The following AKR1A1 variants were observed in gnomAD, a reference collection of about 807,000 sequenced individuals.
The protein encoded by AKR1A1 is HEL-S-165mP.
AKR1A1 carries 26 observed loss-of-function variants against 39.2 expected under a neutral mutation model. That is an observed-to-expected ratio of 0.66 (90% CI 0.49 to 0.92). The LOEUF (loss-of-function observed/expected upper bound fraction) is 0.92. Among genes scored for constraint, AKR1A1 ranks in the 40% least tolerant of loss-of-function variants. The probability of loss-of-function intolerance (pLI) is 0.00; values close to 1 mark genes in which losing one functional copy is unlikely to be tolerated. For missense variants in AKR1A1, 378 were observed against 406.5 expected (o/e 0.93, Z 0.60); for synonymous variants, 141 against 155.5 (o/e 0.91, Z 0.69).
chr1:45,565,213 C>G (rs1284730683), intron 2 of AKR1A1, among the ~76,000 whole-genome samples: 1 of 146,846 alleles, frequency 6.8e-6, no homozygotes, highest in African/African-American at 2.5e-5. Flanking sequence ...TCACTGTAAC[C>G]TCCACCTCCC....
chr1:45,551,307 T>C (rs937984193), intron 1 of AKR1A1, among the ~76,000 whole-genome samples, 152 bp downstream of exon 1: 1 of 152,038 alleles, frequency 6.6e-6, no homozygotes, highest in African/African-American at 2.4e-5. Context: ...TCTTTTTCTC[T>C]GTATGATCTC....
In AKR1A1 at chr1:45,569,872, T is replaced by C. The variant is rs776683233; in HGVS notation, c.913-19T>C. ...GGCAACTCCTGCTGATGGAGTAATCTATCTGTCTCTCTTTCCAGGTGGATG... is the reference window on the plus strand; with the variant it reads ...GGCAACTCCTGCTGATGGAGTAATCCATCTGTCTCTCTTTCCAGGTGGATG... On this transcript the variant is annotated intron_variant, in intron 8 of 8. Transcript: ENST00000351829. 4.3e-6 allele frequency: 7 copies of C among 1,611,736 alleles called. No homozygotes were observed. Among genetic ancestry groups the C allele is most frequent in the Non-Finnish European group, 5.9e-6 (7 of 1,178,032 alleles).
intron 2 of AKR1A1, among the ~76,000 whole-genome samples, chr1:45,563,532 G>A (rs1243294684): frequency 2.0e-5 from 3 of 151,806 alleles, no homozygotes; most frequent in East Asian, 3.9e-4. Flanking sequence ...GCTCATGCCT[G>A]TAATCCCAGC....
chr1:45,558,415 T>G (rs1489111631), intron 1 of AKR1A1, among the ~76,000 whole-genome samples: 1 of 147,962 alleles, frequency 6.8e-6, no homozygotes, highest in Non-Finnish European at 1.5e-5. Flanking sequence ...TTTTTTTTTT[T>G]TGAGATGGAG....
rs149181973 is a variant in AKR1A1 at position 45,566,870 on chromosome 1, C to T, written c.206C>T (p.Ala69Val). ...TGTGGGCCCTGCCCCCTGCACTAGG[C>T]GGTGCCTCGGGAGGAGCTGTTTGTG... ...ALKEDVGPGK[A>V]VPREELFVTS... Residue 69 changes from alanine to valine, a missense_variant and splice_region_variant, in exon 4 of 9, where the codon GCG becomes GTG. Ala to Val is a moderately conservative substitution (Grantham distance 64, BLOSUM62 0). Coordinates refer to ENST00000351829, the MANE Select transcript of AKR1A1 (RefSeq NM_153326.3). 3.7e-5 allele frequency: 60 copies of T among 1,613,378 alleles called. No homozygotes were observed. The African/African-American group carries it at 5.9e-4, about 16-fold the overall frequency.
chr1:45,567,047 G>A (rs965129371), intron 4 of AKR1A1, 27 bp downstream of exon 4: 8 of 1,609,422 alleles, frequency 5.0e-6, no homozygotes, highest in Non-Finnish European at 6.8e-6. Flanking sequence ...CCTCATCTGG[G>A]GAATCAGGGG....
At chr1:45,556,416 C>T (rs1210811953) in intron 1 of AKR1A1, among the ~76,000 whole-genome samples, 2 of 151,718 alleles carry the variant, frequency 1.3e-5, no homozygotes, top group African/African-American at 4.8e-5. Context: ...CCCGTCTCTA[C>T]TAAAAATACA....
At chr1:45,553,776 G>A (rs1431689170) in intron 1 of AKR1A1, among the ~76,000 whole-genome samples, 1 of 147,428 alleles carries the variant, frequency 6.8e-6, no homozygotes, top group East Asian at 2.1e-4. Context: ...GGCGGATCAC[G>A]AGGTCAGGAG....
intron 1 of AKR1A1, among the ~76,000 whole-genome samples, chr1:45,559,519 A>G (rs1644249777): frequency 6.6e-6 from 1 of 151,444 alleles, no homozygotes; most frequent in South Asian, 2.1e-4. Context: ...TTTCTGTAGT[A>G]CATCATACTT....
chr1:45,557,912 C>CTT lies in AKR1A1; in HGVS notation c.-6-3863_-6-3862dup, dbSNP rs67386168. Among the ~76,000 whole-genome samples the CTT allele has an allele frequency of 7.3e-4, 82 of 112,232 alleles. 3 individuals are homozygous for CTT. Among genetic ancestry groups the CTT allele is most frequent in the South Asian group, 4.7e-3 (16 of 3,432 alleles). 73.6% of individuals were successfully genotyped at this position (112,232 alleles called of 152,430 possible). The stretch of plus-strand genomic sequence containing the variant: ...TGTACTGGCTTTACTCACAACTTGT[C>CTT]TTTTTTTTTTTTTTTGAGATGGAGC... On this transcript the variant is annotated intron_variant, in intron 1 of 8. Transcript: ENST00000351829.
At chr1:45,569,571 G>A (rs1644388706) in intron 8 of AKR1A1, among the ~76,000 whole-genome samples, 2 of 152,188 alleles carry the variant, frequency 1.3e-5, no homozygotes, top group Admixed American at 6.5e-5. Flanking sequence ...GAGCCCAGAA[G>A]GCGTTGTTGA....
intron 4 of AKR1A1, chr1:45,567,680 AGCTGC>A (rs1644361464): frequency 5.0e-6 from 1 of 198,686 alleles, no homozygotes; most frequent in Admixed American, 5.4e-5. Context: ...ACAAAAAATT[AGCTGC>A]GCGTGGTGGT....
At position 45,556,118 on chromosome 1, in the gene AKR1A1, G is replaced by A. The variant is rs117528929; in HGVS notation, c.-7+4963G>A. On this transcript the variant is annotated intron_variant, in intron 1 of 8. Transcript: ENST00000351829. ...GTAGATATTGTTTCCTTTTTTTCCT[G>A]TGTCTTCTACTTCCCTGCAGCCAGG... Among the ~76,000 whole-genome samples the A allele has an allele frequency of 3.0e-3, 463 of 152,144 alleles. 5 individuals are homozygous for A. The highest frequency in any genetic ancestry group is 0.022 in the East Asian group (114 of 5,192).
chr1:45,563,575 A>C lies in AKR1A1; in HGVS notation c.84+1697A>C, dbSNP rs540300632. On this transcript the variant is annotated intron_variant, in intron 2 of 8. Coordinates refer to ENST00000351829, the MANE Select transcript of AKR1A1 (RefSeq NM_153326.3). ...GAGGCTGAGGCAGGCGGATCACCTG[A>C]GGTTGGGAGTTCGAGACCAGCCTGA... is the stretch of plus-strand genomic sequence containing the variant. 3.9e-5 allele frequency among the ~76,000 whole-genome samples: 6 copies of C among 152,160 alleles called. No homozygotes were observed. In the East Asian group the frequency reaches 1.2e-3, roughly 29 times the overall value.
At position 45,568,105 on chromosome 1, in the gene AKR1A1, C is replaced by T; in HGVS notation, c.480C>T (p.Gly160=). 1 of 1,614,058 alleles carries T rather than the reference C, an allele frequency of 6.2e-7. No individual in the cohort carries two copies. Among genetic ancestry groups the T allele is most frequent in the African/African-American group, 1.3e-5 (1 of 75,002 alleles). Residue 160 remains glycine (G), a synonymous_variant, in exon 5 of 9, where the codon GGC becomes GGT. Transcript: ENST00000351829. ...CTAAGGGGCTGGTGCAGGCGCTGGGCCTGTCCAACTTCAACAGTCGGCAGA... is the reference window on the plus strand; with the variant it reads ...CTAAGGGGCTGGTGCAGGCGCTGGGTCTGTCCAACTTCAACAGTCGGCAGA... The part of the protein sequence containing the change: ...LVAKGLVQAL[G]LSNFNSRQID...
At chr1:45,554,521 A>G (rs777871356) in intron 1 of AKR1A1, among the ~76,000 whole-genome samples, 10 of 151,560 alleles carry the variant, frequency 6.6e-5, no homozygotes, top group Non-Finnish European at 1.5e-4. Flanking sequence ...CGAAGCTGCA[A>G]TGAGCCATGA....
chr1:45,557,893 G>A (rs1009017609), intron 1 of AKR1A1, among the ~76,000 whole-genome samples: 2 of 144,898 alleles, frequency 1.4e-5, no homozygotes, highest in African/African-American at 5.1e-5. Context: ...TTGGTGTACT[G>A]GCTTTACTCA....
At chr1:45,566,330 G>A (rs1644343159) in intron 2 of AKR1A1, among the ~76,000 whole-genome samples, 1 of 152,110 alleles carries the variant, frequency 6.6e-6, no homozygotes, top group Non-Finnish European at 1.5e-5. Context: ...CTGACCTCCA[G>A]CTGGCCAGGC....
Position 45,568,632 on chromosome 1 carries a change from G to A in AKR1A1, c.700G>A (p.Val234Ile), listed in dbSNP as rs1444127063. The A allele has an allele frequency of 1.9e-6, 3 of 1,613,804 alleles. No homozygotes were observed. In the African/African-American group the frequency reaches 4.0e-5, roughly 22 times the overall value. The change falls in exon 6 of 9, where the codon GTC becomes ATC. Residue 234 changes from valine (V) to isoleucine (I), a missense_variant. Physicochemically the swap from Val to Ile is conservative, Grantham distance 29. Transcript: ENST00000351829. ...DEPVLLEEPV[V>I]LALAEKYGRS... ...GCCTGTCCTGCTGGAGGAACCAGTA[G>A]TCCTGGCATTGGCTGAAAAGTATGG...
Sources: gnomAD v4.1 joint callset for allele counts (sites outside exome capture counted in the v4.1 genomes callset) on GRCh38, gnomAD v4.1.1 for gene constraint, MANE v1.5 for transcripts, NCBI Gene and HGNC (gene_info 2026-07-23, HGNC 2026-07-21) for gene names.